Variants in ARHGAP15 observed in about 807,000 individuals in gnomAD.
ARHGAP15 encodes the protein Rho GTPase activating protein 15.
Under a neutral mutation model 63.7 loss-of-function variants are expected in ARHGAP15, and 51 were observed. That is an observed-to-expected ratio of 0.80 (90% CI 0.64 to 1.01). The LOEUF is 1.01. Ranked by LOEUF, ARHGAP15 falls within the 50% of genes least tolerant of loss-of-function variation. The pLI, the probability that ARHGAP15 is intolerant of heterozygous loss-of-function variation, is 0.00. For missense variants in ARHGAP15, 560 were observed against 564.6 expected (o/e 0.99, Z 0.08); for synonymous variants, 191 against 193.8 (o/e 0.99, Z 0.12).
chr2:143,315,147 A>G (rs1683640925), intron 6 of ARHGAP15, among the ~76,000 whole-genome samples: 1 of 152,160 alleles, frequency 6.6e-6, no homozygotes, highest in Non-Finnish European at 1.5e-5. Flanking sequence ...ATACTTTTCT[A>G]AGCAAGTAGA....
intron 6 of ARHGAP15, among the ~76,000 whole-genome samples, chr2:143,338,735 T>C (rs570410988): frequency 6.6e-6 from 1 of 152,308 alleles, no homozygotes; most frequent in East Asian, 1.9e-4. Context: ...GACCCAGATG[T>C]CTATCAGGGA....
chr2:143,129,949 G>A (rs1688855687), intron 1 of ARHGAP15, among the ~76,000 whole-genome samples: 2 of 152,114 alleles, frequency 1.3e-5, no homozygotes, highest in Middle Eastern at 6.8e-3. Context: ...CCCTTAAAAA[G>A]GTTACTATGT....
chr2:143,493,662 T>A (rs1219046658), intron 9 of ARHGAP15, among the ~76,000 whole-genome samples: 1 of 152,208 alleles, frequency 6.6e-6, no homozygotes, highest in East Asian at 1.9e-4. Flanking sequence ...CCTGAGTATC[T>A]TCTTCTAAAG....
intron 6 of ARHGAP15, among the ~76,000 whole-genome samples, chr2:143,432,096 A>C (rs1163870631): frequency 6.6e-6 from 1 of 152,056 alleles, no homozygotes; most frequent in Non-Finnish European, 1.5e-5. Context: ...TAAAATACCT[A>C]CAATGTTTAC....
At chr2:143,656,046 G>T (rs1369023916) in intron 12 of ARHGAP15, 1 of 152,130 alleles carries the variant, frequency 6.6e-6, no homozygotes, top group Non-Finnish European at 1.5e-5. Flanking sequence ...ATTTCTGGAT[G>T]GCAGTTGCTT....
intron 6 of ARHGAP15, among the ~76,000 whole-genome samples, chr2:143,350,592 G>A (rs562686084): frequency 4.6e-5 from 7 of 151,162 alleles, no homozygotes; most frequent in Admixed American, 3.9e-4. Context: ...GGCCGAGGGG[G>A]GTGGATCACG....
At chr2:143,211,778 A>G (rs1265860495) in intron 3 of ARHGAP15, among the ~76,000 whole-genome samples, 1 of 152,122 alleles carries the variant, frequency 6.6e-6, no homozygotes, top group African/African-American at 2.4e-5. Context: ...CCTTGAGTCT[A>G]TCTCACAGTA....
intron 6 of ARHGAP15, among the ~76,000 whole-genome samples, chr2:143,257,247 T>G (rs770673877): frequency 5.3e-5 from 8 of 152,254 alleles, no homozygotes; most frequent in Admixed American, 2.0e-4. Context: ...TTCATTCTTT[T>G]TGAACTATCA....
chr2:143,356,476 A>C (rs1685815697), intron 6 of ARHGAP15, among the ~76,000 whole-genome samples: 1 of 152,134 alleles, frequency 6.6e-6, no homozygotes, highest in South Asian at 2.1e-4. Flanking sequence ...ATTTGTATTA[A>C]AAATAGTGCG....
At chr2:143,344,702 C>T (rs1685196453) in intron 6 of ARHGAP15, among the ~76,000 whole-genome samples, 1 of 152,106 alleles carries the variant, frequency 6.6e-6, no homozygotes, top group African/African-American at 2.4e-5. Context: ...CACTGTATCA[C>T]ATTTATTCAT....
chr2:143,203,331 T>C (rs539182861), intron 3 of ARHGAP15, among the ~76,000 whole-genome samples: 1 of 152,290 alleles, frequency 6.6e-6, no homozygotes, highest in African/African-American at 2.4e-5. Context: ...TGTTTCCAAT[T>C]TCTGCCCTCC....
chr2:143,754,552 G>T (rs1686501143), intron 13 of ARHGAP15, among the ~76,000 whole-genome samples: 1 of 152,128 alleles, frequency 6.6e-6, no homozygotes, highest in East Asian at 1.9e-4. Context: ...TGATATACTA[G>T]GTGTAGGCAG....
chr2:143,409,266 CACA>C (rs1181597125), intron 6 of ARHGAP15, among the ~76,000 whole-genome samples: 4 of 151,838 alleles, frequency 2.6e-5, no homozygotes, highest in African/African-American at 9.7e-5. Context: ...ACAACAACAA[CACA>C]ACAACCTCAT....
At chr2:143,659,699 G>A (rs1681649741) in intron 12 of ARHGAP15, among the ~76,000 whole-genome samples, 1 of 152,148 alleles carries the variant, frequency 6.6e-6, no homozygotes, top group South Asian at 2.1e-4. Context: ...GGCAGGCATG[G>A]GTTTATGTGG....
At chr2:143,341,631 C>G (rs1299998302) in intron 6 of ARHGAP15, among the ~76,000 whole-genome samples, 1 of 152,062 alleles carries the variant, frequency 6.6e-6, no homozygotes, top group Non-Finnish European at 1.5e-5. Flanking sequence ...TTCATCTCGC[C>G]AAACCATTTT....
chr2:143,463,752 A>C (rs1248833237), intron 8 of ARHGAP15, among the ~76,000 whole-genome samples: 1 of 152,172 alleles, frequency 6.6e-6, no homozygotes, highest in South Asian at 2.1e-4. Flanking sequence ...TGATTAACTT[A>C]AAGTCTGATT....
chr2:143,449,046 A>G (rs1251927504), intron 8 of ARHGAP15, among the ~76,000 whole-genome samples: 1 of 152,034 alleles, frequency 6.6e-6, no homozygotes, highest in Non-Finnish European at 1.5e-5. Flanking sequence ...ATGATTTTGA[A>G]TGGTGGCTAT....
At chr2:143,638,727 T>C (rs895556651) in intron 12 of ARHGAP15, among the ~76,000 whole-genome samples, 1 of 147,924 alleles carries the variant, frequency 6.8e-6, no homozygotes, top group Non-Finnish European at 1.5e-5. Flanking sequence ...ATTCCAAATT[T>C]ACAAAGTGAA....
Position 143,178,750 on chromosome 2 carries a change from C to T in ARHGAP15, c.165+23095C>T, listed in dbSNP as rs187458165. 4.3e-4 allele frequency among the ~76,000 whole-genome samples: 65 copies of T among 152,284 alleles called. 1 individual carries two copies. Among genetic ancestry groups the T allele is most frequent in the Admixed American group, 3.7e-3 (56 of 15,292 alleles). On this transcript the variant is annotated intron_variant, in intron 2 of 13. Coordinates refer to ENST00000295095, the MANE Select transcript of ARHGAP15 (RefSeq NM_018460.4). Reference sequence around the variant, plus strand: ...CTGGGATTATAGGCATAAGCCACTGCGTCAGGCCCATTTTTCTGATCTTGT... The same window carrying T: ...CTGGGATTATAGGCATAAGCCACTGTGTCAGGCCCATTTTTCTGATCTTGT...
Sources: allele counts gnomAD v4.1 joint callset (sites outside exome capture counted in the v4.1 genomes callset), GRCh38; gene constraint gnomAD v4.1.1; transcripts MANE v1.5; gene names NCBI Gene and HGNC (gene_info 2026-07-23, HGNC 2026-07-21).